The following RPS27A variants were observed in gnomAD, a reference collection of about 807,000 sequenced individuals.
RPS27A encodes the protein ribosomal protein S27a.
A neutral mutation model predicts 18.9 loss-of-function variants in RPS27A; 1 was observed. The observed-to-expected ratio is 0.05, with a 90% CI of 0.02 to 0.25. RPS27A has a LOEUF of 0.25. RPS27A is among the 10% of genes least tolerant of loss of function. The pLI, the probability that RPS27A is intolerant of heterozygous loss-of-function variation, is 1.00. For missense variants in RPS27A, 123 were observed against 187.4 expected, an observed-to-expected ratio of 0.66 and a Z score of 2.01; for synonymous variants, 77 against 63.7, an observed-to-expected ratio of 1.21 and a Z score of -0.99.
chr2:55,234,776 G>GGT, intron 4 of RPS27A, 55 bp from the exon 5 acceptor site: 1 of 1,602,732 alleles, frequency 6.2e-7, no homozygotes, highest in Non-Finnish European at 8.5e-7. Context: ...CATAATGTTG[G>GGT]GTGTGCCCAT....
At position 55,232,725 on chromosome 2, in the gene RPS27A, C is replaced by G; in HGVS notation, c.-18+17C>G. On this transcript the variant is annotated intron_variant, in intron 1 of 5. Transcript: ENST00000272317. ...CCATCTGCGGTGGGTGTCTGCACTTCGGCTGCTCTCGGGTTAGCACCCTAT... is the reference window on the plus strand; with the variant it reads ...CCATCTGCGGTGGGTGTCTGCACTTGGGCTGCTCTCGGGTTAGCACCCTAT... 1 of 1,066,948 alleles carries G rather than the reference C, an allele frequency of 9.4e-7. No homozygotes were observed. The highest frequency in any genetic ancestry group is 1.4e-6 in the Non-Finnish European group (1 of 702,936). The allele number at this position is 1,066,948 out of a possible 1,614,324, so 66.1% of individuals were successfully genotyped here.
At chr2:55,232,947 T>C in intron 2 of RPS27A, 75 bp downstream of exon 2, 1 of 1,193,896 alleles carries the variant, frequency 8.4e-7, no homozygotes, top group South Asian at 1.3e-5. Flanking sequence ...CGGCGCTGCT[T>C]TCCATGTCTT....
At chr2:55,233,019 G>A in intron 2 of RPS27A, 147 bp downstream of exon 2, 1 of 758,590 alleles carries the variant, frequency 1.3e-6, no homozygotes, top group Non-Finnish European at 2.4e-6. Flanking sequence ...CTTTTGCTGA[G>A]CAACGACCTA....
In RPS27A at chr2:55,234,189, C is replaced by T. The variant is rs753215449; in HGVS notation, c.174C>T (p.Asp58=). 3.7e-6 allele frequency: 6 copies of T among 1,606,632 alleles called. No homozygotes were observed. The South Asian group carries it at 4.4e-5, about 12-fold the overall frequency. The change falls in exon 4 of 6, where the codon GAC becomes GAT. Residue 58 remains aspartate, a synonymous_variant. Coordinates refer to ENST00000272317, the MANE Select transcript of RPS27A (RefSeq NM_002954.6). ...TGGAAGATGGACGTACTTTGTCTGA[C>T]TACAATATTCAAAAGGTCTGTCTAG... ...KQLEDGRTLS[D]YNIQKESTLH... is the part of the protein sequence containing the mutation.
chr2:55,234,956 T>C lies in RPS27A; in HGVS notation c.315T>C (p.Tyr105=), dbSNP rs578205536. 7.4e-6 allele frequency: 12 copies of C among 1,613,090 alleles called. No individual in the cohort carries two copies. The South Asian group carries it at 1.2e-4, about 16-fold the overall frequency. The change falls in exon 5 of 6, where the codon TAT becomes TAC. Residue 105 remains tyrosine (Y), a synonymous_variant. Transcript: ENST00000272317. ...RKKVKLAVLK[Y]YKVDENGKIS... is the part of the protein sequence containing the mutation. ...AGGTTAAGCTGGCTGTCCTGAAATA[T>C]TATAAGGTGAGCCAGTTAAAGGGCA...
intron 4 of RPS27A, 127 bp from the exon 5 acceptor site, chr2:55,234,704 T>G: frequency 9.6e-7 from 1 of 1,039,482 alleles, no homozygotes; most frequent in Non-Finnish European, 1.5e-6. Context: ...TTATTGGGTT[T>G]GGGGGCTGCA....
chr2:55,233,250 G>A (rs565017579), intron 2 of RPS27A, 113 bp from the exon 3 acceptor site: 3 of 902,292 alleles, frequency 3.3e-6, no homozygotes, highest in Admixed American at 3.9e-5. Flanking sequence ...TAGGTCTCTC[G>A]AGTAGGTCTC....
intron 4 of RPS27A, 96 bp downstream of exon 4, chr2:55,234,300 C>A: frequency 1.1e-6 from 1 of 885,450 alleles, no homozygotes; most frequent in Non-Finnish European, 1.9e-6. Context: ...GACTCTGTCA[C>A]CTAGGGTGGA....
chr2:55,234,992 A>G (rs1357450975), intron 5 of RPS27A, 30 bp downstream of exon 5: 1 of 1,610,998 alleles, frequency 6.2e-7, no homozygotes, highest in Admixed American at 1.7e-5. Context: ...GAATGTCAGC[A>G]AAGTCTTGGC....
In RPS27A at chr2:55,235,606, A is replaced by G. The variant is rs775230234; in HGVS notation, c.*29A>G. ...TATGAGTTAATAAAAGACATGAACT[A>G]ACATTTATTGTTGGGTTTTATTGCA... is the stretch of plus-strand genomic sequence containing the variant. On this transcript the variant is annotated 3_prime_UTR_variant, in exon 6 of 6. Transcript: ENST00000272317. The G allele has an allele frequency of 1.3e-6, 2 of 1,597,518 alleles. No individual in the cohort carries two copies. Among genetic ancestry groups the G allele is most frequent in the Non-Finnish European group, 1.7e-6 (2 of 1,178,950 alleles).
intron 3 of RPS27A, 63 bp from the exon 4 acceptor site, chr2:55,234,054 TTA>T (rs1675661350): frequency 9.7e-7 from 1 of 1,034,556 alleles, no homozygotes; most frequent in African/African-American, 1.6e-5. Flanking sequence ...GGGTGTTACC[TTA>T]TAAGTCTGGA....
chr2:55,232,941 G>T (rs1675554788), intron 2 of RPS27A, 69 bp downstream of exon 2: 11 of 1,261,972 alleles, frequency 8.7e-6, no homozygotes, highest in Non-Finnish European at 1.3e-5. Context: ...TAGGACCGGC[G>T]CTGCTTTCCA....
At chr2:55,233,100 G>C in intron 2 of RPS27A, 1 of 641,418 alleles carries the variant, frequency 1.6e-6, no homozygotes, top group South Asian at 1.9e-5. Context: ...AGTTAAAACG[G>C]AGGAGCTGCG....
chr2:55,235,018 A>C, intron 5 of RPS27A, 56 bp downstream of exon 5: 1 of 1,583,284 alleles, frequency 6.3e-7, no homozygotes, highest in African/African-American at 1.3e-5. Flanking sequence ...TGGAAAACTT[A>C]ATCTTTATAG....
In RPS27A at chr2:55,235,479, G is replaced by A; in HGVS notation, c.373G>A (p.Glu125Lys). Reference protein sequence around the residue: ...SRLRRECPSDECGAGVFMASH... With the variant: ...SRLRRECPSDKCGAGVFMASH... The stretch of plus-strand genomic sequence containing the variant: ...CCTTCGTCGAGAGTGCCCTTCTGAT[G>A]AATGTGGTGCTGGGGTGTTTATGGC... The change falls in exon 6 of 6, where the codon GAA (glutamate) becomes AAA (lysine). Residue 125 changes from glutamate to lysine, a missense_variant. Coordinates refer to ENST00000272317, the MANE Select transcript of RPS27A (RefSeq NM_002954.6). 6.2e-7 allele frequency: 1 copy of A among 1,611,878 alleles called. No homozygotes were observed. Among genetic ancestry groups the A allele is most frequent in the Non-Finnish European group, 8.5e-7 (1 of 1,179,946 alleles).
At chr2:55,233,232 G>T in intron 2 of RPS27A, 131 bp from the exon 3 acceptor site, 2 of 805,074 alleles carry the variant, frequency 2.5e-6, no homozygotes, top group South Asian at 1.4e-5. Context: ...TGCCCACTGG[G>T]TGGGTAATAG....
Position 55,232,728 on chromosome 2 carries a change from C to A in RPS27A, c.-18+20C>A. ...TCTGCGGTGGGTGTCTGCACTTCGG[C>A]TGCTCTCGGGTTAGCACCCTATGGT... On this transcript the variant is annotated intron_variant, in intron 1 of 5. Coordinates refer to ENST00000272317, the MANE Select transcript of RPS27A (RefSeq NM_002954.6). The A allele has an allele frequency of 9.0e-7, 1 of 1,115,938 alleles. No individual in the cohort carries two copies. The highest frequency in any genetic ancestry group is 1.3e-5 in the South Asian group (1 of 75,994). 69.1% of individuals were successfully genotyped at this position (1,115,938 alleles called of 1,614,324 possible). A position where few individuals can be genotyped will look rare whatever the true frequency, so the allele number is the denominator to read the frequency against.
rs1675671802 is a variant in RPS27A at position 55,234,183 on chromosome 2, G to T, written c.168G>T (p.Leu56Phe). 1 of 1,609,656 alleles carries T rather than the reference G, an allele frequency of 6.2e-7. No homozygotes were observed. The highest frequency in any genetic ancestry group is 8.5e-7 in the Non-Finnish European group (1 of 1,176,118). Residue 56 changes from leucine (L) to phenylalanine (F), a missense_variant, in exon 4 of 6, where the codon TTG becomes TTT. Around this residue, in one of 2 missense-constraint regions of RPS27A, gnomAD observed 66 missense variants for 72.6 expected, o/e 0.91. Coordinates refer to ENST00000272317, the MANE Select transcript of RPS27A (RefSeq NM_002954.6). ...AGKQLEDGRTLSDYNIQKEST... is the reference protein window; with the variant it reads ...AGKQLEDGRTFSDYNIQKEST... Reference sequence around the variant, plus strand: ...AGCAGCTGGAAGATGGACGTACTTTGTCTGACTACAATATTCAAAAGGTCT... The same window carrying T: ...AGCAGCTGGAAGATGGACGTACTTTTTCTGACTACAATATTCAAAAGGTCT...
At position 55,234,845 on chromosome 2, in the gene RPS27A, T is replaced by C. The variant is rs1675711846; in HGVS notation, c.204T>C (p.His68=). The change falls in exon 5 of 6, where the codon CAT becomes CAC. Residue 68 remains histidine, a synonymous_variant. Coordinates refer to ENST00000272317, the MANE Select transcript of RPS27A (RefSeq NM_002954.6). Reference sequence around the variant, plus strand: ...TCCATTAACAGGAGTCTACTCTTCATCTTGTGTTGAGACTTCGTGGTGGTG... The same window carrying C: ...TCCATTAACAGGAGTCTACTCTTCACCTTGTGTTGAGACTTCGTGGTGGTG... ...DYNIQKESTL[H]LVLRLRGGAK... 1 of 1,612,442 alleles carries C rather than the reference T, an allele frequency of 6.2e-7. No individual in the cohort carries two copies. The highest frequency in any genetic ancestry group is 8.5e-7 in the Non-Finnish European group (1 of 1,179,988).
Sources: allele counts gnomAD v4.1 joint callset, GRCh38; gene constraint gnomAD v4.1.1; regional missense constraint gnomAD v4.1.1; transcripts MANE v1.5; gene names NCBI Gene and HGNC (gene_info 2026-07-23, HGNC 2026-07-21).